SCD5: variants seen among roughly 807,000 people sequenced by gnomAD.
SCD5 encodes the protein stearoyl-CoA desaturase 5, also known as acyl-CoA-desaturase 4.
SCD5 carries 20 observed loss-of-function variants against 30.4 expected under a neutral mutation model. That is an observed-to-expected ratio of 0.66 (90% CI 0.46 to 0.96). The LOEUF (loss-of-function observed/expected upper bound fraction) is 0.96, where lower values mean the gene tolerates loss of function less well. Among genes scored for constraint, SCD5 ranks in the 40% least tolerant of loss-of-function variants. The pLI is 0.00. For missense variants in SCD5, 381 were observed against 443.3 expected, an observed-to-expected ratio of 0.86 and a Z score of 1.26; for synonymous variants, 173 against 176.4, an observed-to-expected ratio of 0.98 and a Z score of 0.16.
intron 1 of SCD5, among the ~76,000 whole-genome samples, chr4:82,753,843 C>T (rs551820686): frequency 2.0e-4 from 30 of 152,254 alleles, no homozygotes; most frequent in Middle Eastern, 3.4e-3. Context: ...GCAGACAGGG[C>T]GTATTCCATT....
intron 1 of SCD5, among the ~76,000 whole-genome samples, chr4:82,714,662 T>C (rs1248639832): frequency 2.0e-5 from 3 of 152,154 alleles, no homozygotes; most frequent in Admixed American, 6.5e-5. Context: ...GGGACTCATA[T>C]AGGTTGAGCA....
intron 1 of SCD5, among the ~76,000 whole-genome samples, chr4:82,789,469 G>A (rs759030752): frequency 5.9e-5 from 9 of 152,222 alleles, no homozygotes; most frequent in East Asian, 1.9e-4. Flanking sequence ...TAGTGATTCC[G>A]TGGGGTCGGT....
chr4:82,792,757 G>C (rs1052644467), intron 1 of SCD5, among the ~76,000 whole-genome samples: 28 of 152,160 alleles, frequency 1.8e-4, no homozygotes, highest in African/African-American at 6.5e-4. Context: ...TCAAATAACT[G>C]TCTGCTCAAG....
At position 82,633,631 on chromosome 4, in the gene SCD5, C is replaced by T. The variant is rs150876709; in HGVS notation, c.803-2114G>A. Among the ~76,000 whole-genome samples, 370 of 152,300 alleles carry T rather than the reference C, an allele frequency of 2.4e-3. 4 individuals are homozygous for T. The highest frequency in any genetic ancestry group is 8.3e-3 in the African/African-American group (344 of 41,568). On this transcript the variant is annotated intron_variant, in intron 4 of 4. Coordinates refer to ENST00000319540, the MANE Select transcript of SCD5 (RefSeq NM_001037582.3). ...TGCAAGGGTTCCCTTTTTTCACATCCTCACCAACACTTGTTATCTTTTATC... is the reference window on the plus strand; with the variant it reads ...TGCAAGGGTTCCCTTTTTTCACATCTTCACCAACACTTGTTATCTTTTATC...
rs923090973 is a variant in SCD5 at position 82,692,643 on chromosome 4, G to C, written c.364-11731C>G. 3.0e-4 allele frequency among the ~76,000 whole-genome samples: 45 copies of C among 152,226 alleles called. 1 individual carries two copies. Among genetic ancestry groups the C allele is most frequent in the African/African-American group, 9.4e-4 (39 of 41,464 alleles). On this transcript the variant is annotated intron_variant, in intron 2 of 4. Coordinates refer to ENST00000319540, the MANE Select transcript of SCD5 (RefSeq NM_001037582.3). ...GGCCGACACTTGGCTCACCACTGCTGGGGGGTGCCACAGTGGATTTCACAC... is the reference window on the plus strand; with the variant it reads ...GGCCGACACTTGGCTCACCACTGCTCGGGGGTGCCACAGTGGATTTCACAC...
intron 1 of SCD5, among the ~76,000 whole-genome samples, chr4:82,795,790 C>T (rs1186175984): frequency 7.7e-6 from 1 of 129,334 alleles, no homozygotes; most frequent in Admixed American, 9.6e-5. Context: ...CCACTGCACT[C>T]CAGCAAGACC....
intron 2 of SCD5, among the ~76,000 whole-genome samples, chr4:82,689,146 AG>A (rs1268961388): frequency 2.0e-5 from 3 of 152,354 alleles, no homozygotes; most frequent in African/African-American, 7.2e-5. Flanking sequence ...CTCCACTAAA[AG>A]GAATCAGGAG....
intron 1 of SCD5, among the ~76,000 whole-genome samples, chr4:82,748,256 AG>A (rs1324377553): frequency 6.6e-6 from 1 of 152,116 alleles, no homozygotes; most frequent in Non-Finnish European, 1.5e-5. Context: ...CAGAAACAAG[AG>A]GGAAACACTT....
intron 3 of SCD5, among the ~76,000 whole-genome samples, chr4:82,659,650 T>C (rs540136718): frequency 9.0e-4 from 137 of 152,300 alleles, no homozygotes; most frequent in African/African-American, 3.0e-3. Flanking sequence ...TTTGAGTGAA[T>C]TTTTTAATCC....
In SCD5 at chr4:82,711,783, A is replaced by C. The variant is rs368897558; in HGVS notation, c.233-6370T>G. Among the ~76,000 whole-genome samples, 19 of 152,154 alleles carry C rather than the reference A, an allele frequency of 1.2e-4. No homozygotes were observed. In the East Asian group the frequency reaches 3.1e-3, roughly 25 times the overall value. Reference sequence around the variant, plus strand: ...GTAGAGAATCGCTAAATTCTTAGGAAAGCTCTTCTTGAAACCAAGCCTTGT... The same window carrying C: ...GTAGAGAATCGCTAAATTCTTAGGACAGCTCTTCTTGAAACCAAGCCTTGT... On this transcript the variant is annotated intron_variant, in intron 1 of 4. Transcript: ENST00000319540.
intron 1 of SCD5, among the ~76,000 whole-genome samples, chr4:82,747,732 C>T (rs572738087): frequency 1.3e-5 from 2 of 152,324 alleles, no homozygotes; most frequent in Admixed American, 6.5e-5. Context: ...GCCATCAATA[C>T]GCCATTGGCC....
At chr4:82,656,100 A>T (rs1349517511) in intron 3 of SCD5, among the ~76,000 whole-genome samples, 1 of 151,418 alleles carries the variant, frequency 6.6e-6, no homozygotes, top group African/African-American at 2.4e-5. Context: ...TATATATTTT[A>T]TTATTATTAT....
chr4:82,741,853 C>CGGGGGGGGGGGGGGGGG (rs34875819), intron 1 of SCD5, among the ~76,000 whole-genome samples: 1 of 45,404 alleles, frequency 2.2e-5, no homozygotes. Flanking sequence ...TCAGAGTGGG[C>CGGGGGGGGGGGGGGGGG]GGGGGGGGGG....
At chr4:82,766,501 A>G (rs1721488945) in intron 1 of SCD5, among the ~76,000 whole-genome samples, 1 of 152,224 alleles carries the variant, frequency 6.6e-6, no homozygotes, top group Admixed American at 6.5e-5. Context: ...TTCTTAACAC[A>G]TAAAATATAA....
intron 1 of SCD5, among the ~76,000 whole-genome samples, chr4:82,776,454 A>C (rs1388675217): frequency 1.3e-5 from 2 of 152,218 alleles, no homozygotes; most frequent in African/African-American, 4.8e-5. Flanking sequence ...GCAGGGAAAA[A>C]CTGAACATGG....
chr4:82,696,013 G>A (rs1049837971), intron 2 of SCD5, among the ~76,000 whole-genome samples: 1 of 152,072 alleles, frequency 6.6e-6, no homozygotes, highest in Non-Finnish European at 1.5e-5. Flanking sequence ...CTCATCCAAG[G>A]GCCACTTCTT....
At chr4:82,754,456 G>A (rs1721183659) in intron 1 of SCD5, among the ~76,000 whole-genome samples, 1 of 120,912 alleles carries the variant, frequency 8.3e-6, no homozygotes, top group Non-Finnish European at 1.8e-5. Flanking sequence ...TCACTTGGCT[G>A]CCACAGGAGG....
chr4:82,786,865 C>T (rs898426246), intron 1 of SCD5, among the ~76,000 whole-genome samples: 2 of 151,568 alleles, frequency 1.3e-5, no homozygotes, highest in Admixed American at 1.3e-4. Context: ...GTAGATCAAG[C>T]ACTTACCTTA....
chr4:82,768,983 A>G (rs532583335), intron 1 of SCD5, among the ~76,000 whole-genome samples: 37 of 152,112 alleles, frequency 2.4e-4, no homozygotes, highest in African/African-American at 8.7e-4. Context: ...CTTTTCACAG[A>G]AAACCTTATG....
Sources: allele counts gnomAD v4.1 joint callset (sites outside exome capture counted in the v4.1 genomes callset), GRCh38; gene constraint gnomAD v4.1.1; transcripts MANE v1.5; gene names NCBI Gene and HGNC (gene_info 2026-07-23, HGNC 2026-07-21).